CFDP1: variants seen among roughly 807,000 people sequenced by gnomAD.
The protein encoded by CFDP1 is heterochromatin-stabilizing protein CFDP1.
In CFDP1, 31 loss-of-function variants were observed where a neutral mutation model predicts 40.1. The ratio of observed to expected loss-of-function variants is 0.77; its 90% CI spans 0.58 to 1.04. The LOEUF (loss-of-function observed/expected upper bound fraction) is 1.04, where lower values mean the gene tolerates loss of function less well. CFDP1 is among the 50% of genes least tolerant of loss of function. The probability of loss-of-function intolerance (pLI) is 0.00; values close to 1 mark genes in which losing one functional copy is unlikely to be tolerated. For missense variants in CFDP1, 423 were observed against 343.4 expected, an observed-to-expected ratio of 1.23 and a Z score of -1.83; for synonymous variants, 167 against 120.0, an observed-to-expected ratio of 1.39 and a Z score of -2.56.
chr16:75,418,579 G>C (rs551457152), intron 1 of CFDP1, among the ~76,000 whole-genome samples: 1 of 152,144 alleles, frequency 6.6e-6, no homozygotes, highest in African/African-American at 2.4e-5. Flanking sequence ...AAAGTGCTGG[G>C]ATTACAGGCG....
intron 5 of CFDP1, among the ~76,000 whole-genome samples, chr16:75,353,560 G>T (rs143608443): frequency 9.2e-5 from 14 of 151,956 alleles, no homozygotes; most frequent in African/African-American, 3.4e-4. Context: ...AGGAGATCGA[G>T]ACCATGGTGA....
intron 1 of CFDP1, among the ~76,000 whole-genome samples, chr16:75,416,277 T>C (rs950763327): frequency 6.6e-6 from 1 of 151,782 alleles, no homozygotes; most frequent in African/African-American, 2.4e-5. Flanking sequence ...ACAAAATTAG[T>C]GCAGAAAGAG....
At chr16:75,386,851 C>G (rs2078902389) in intron 5 of CFDP1, among the ~76,000 whole-genome samples, 1 of 152,212 alleles carries the variant, frequency 6.6e-6, no homozygotes, top group African/African-American at 2.4e-5. Flanking sequence ...ACTAGACTCT[C>G]CATTCATACT....
chr16:75,357,176 G>T (rs1052736277), intron 5 of CFDP1, among the ~76,000 whole-genome samples: 2 of 152,052 alleles, frequency 1.3e-5, no homozygotes, highest in Non-Finnish European at 2.9e-5. Flanking sequence ...GCCTCCCAAA[G>T]TGCTGGGATT....
chr16:75,412,840 A>T, intron 2 of CFDP1, 86 bp from the exon 3 acceptor site: 1 of 1,059,790 alleles, frequency 9.4e-7, no homozygotes, highest in East Asian at 2.4e-5. Context: ...GTAATCTTAT[A>T]AACCCAAGAA....
At chr16:75,349,975 C>T (rs2078599260) in intron 5 of CFDP1, among the ~76,000 whole-genome samples, 1 of 151,730 alleles carries the variant, frequency 6.6e-6, no homozygotes, top group South Asian at 2.1e-4. Context: ...AGGAGAAAAG[C>T]ATTCGGTTTT....
intron 5 of CFDP1, among the ~76,000 whole-genome samples, chr16:75,360,451 G>T (rs191235322): frequency 2.0e-5 from 3 of 152,158 alleles, no homozygotes; most frequent in African/African-American, 7.2e-5. Context: ...GAAGGAAACC[G>T]AAACAAAACT....
chr16:75,318,407 T>TC, intron 5 of CFDP1, among the ~76,000 whole-genome samples: 1 of 107,986 alleles, frequency 9.3e-6, no homozygotes, highest in African/African-American at 2.9e-5. Flanking sequence ...TTTCTTTCTT[T>TC]CTTTTTTTTT....
In CFDP1 at chr16:75,408,899, C is replaced by T. The variant is rs553937696; in HGVS notation, c.530+2926G>A. ...TTGAGACAGAGTCTCGCTCTGTTGC[C>T]CAGGCTGGAGTGCAGTGGTACGATC... On this transcript the variant is annotated intron_variant, in intron 4 of 6. Transcript: ENST00000283882. Among the ~76,000 whole-genome samples, 14 of 151,980 alleles carry T rather than the reference C, an allele frequency of 9.2e-5. No individual in the cohort carries two copies. In the South Asian group the frequency reaches 2.9e-3, roughly 32 times the overall value.
At chr16:75,305,452 G>T in intron 5 of CFDP1, 1 of 356,724 alleles carries the variant, frequency 2.8e-6, no homozygotes, top group South Asian at 4.9e-5. Flanking sequence ...GCTCTGTGTG[G>T]CAGGTCTCTG....
At chr16:75,333,218 G>C (rs1243331032) in intron 5 of CFDP1, among the ~76,000 whole-genome samples, 2 of 150,976 alleles carry the variant, frequency 1.3e-5, no homozygotes, top group African/African-American at 4.9e-5. Context: ...CTGCCTCCCA[G>C]GTTCACGCCA....
intron 1 of CFDP1, among the ~76,000 whole-genome samples, chr16:75,428,161 CTTGAAACTGTTCATT>C (rs1158706151): frequency 6.7e-6 from 1 of 148,874 alleles, no homozygotes; most frequent in African/African-American, 2.5e-5. Context: ...GGGTTGACGG[CTTGAAACTGTTCATT>C]TTGGTGGAGG....
chr16:75,311,873 G>A (rs1323744510), intron 5 of CFDP1, among the ~76,000 whole-genome samples: 3 of 150,854 alleles, frequency 2.0e-5, no homozygotes, highest in East Asian at 1.9e-4. Flanking sequence ...CTAAGTAGCC[G>A]GGACTATAGG....
chr16:75,421,608 T>C (rs1382280498), intron 1 of CFDP1, among the ~76,000 whole-genome samples: 1 of 152,072 alleles, frequency 6.6e-6, no homozygotes, highest in African/African-American at 2.4e-5. Context: ...TCAGTATAAA[T>C]CCGAGAAAGC....
intron 5 of CFDP1, chr16:75,391,184 T>A (rs936068475): frequency 6.6e-6 from 1 of 152,222 alleles, no homozygotes; most frequent in African/African-American, 2.4e-5. Context: ...AAGTAGAATC[T>A]CTAAGCATCA....
intron 5 of CFDP1, among the ~76,000 whole-genome samples, chr16:75,344,301 G>A (rs66886787): frequency 0.083 from 12,583 of 152,164 alleles, 545 homozygotes; most frequent in Middle Eastern, 0.13. Context: ...GTGTATGTAC[G>A]AAATGCCACT....
intron 1 of CFDP1, among the ~76,000 whole-genome samples, chr16:75,420,297 G>A (rs1451953175): frequency 6.6e-6 from 1 of 152,118 alleles, no homozygotes; most frequent in Non-Finnish European, 1.5e-5. Flanking sequence ...CAGATATTGT[G>A]TCTTCTGATG....
At chr16:75,404,067 G>A (rs1306590397) in intron 4 of CFDP1, among the ~76,000 whole-genome samples, 4 of 151,454 alleles carry the variant, frequency 2.6e-5, no homozygotes, top group South Asian at 2.1e-4. Flanking sequence ...AGGAGGCGGA[G>A]GTTGCAGTGA....
chr16:75,326,737 T>C (rs570959066), intron 5 of CFDP1, among the ~76,000 whole-genome samples: 2 of 152,282 alleles, frequency 1.3e-5, no homozygotes, highest in African/African-American at 2.4e-5. Context: ...TGGTCATATA[T>C]ACAGATTCAA....
Sources: gnomAD v4.1 joint callset for allele counts (sites outside exome capture counted in the v4.1 genomes callset) on GRCh38, gnomAD v4.1.1 for gene constraint, MANE v1.5 for transcripts, NCBI Gene and HGNC (gene_info 2026-07-23, HGNC 2026-07-21) for gene names.